The following FBXL7 variants were observed in gnomAD, a reference collection of about 807,000 sequenced individuals.
FBXL7 encodes the protein F-box and leucine rich repeat protein 7, also known as F-box/LRR-repeat protein 7.
FBXL7 carries 12 observed loss-of-function variants against 38.3 expected under a neutral mutation model. The observed-to-expected ratio is 0.31, with a 90% CI of 0.20 to 0.51. The LOEUF (loss-of-function observed/expected upper bound fraction) is 0.51, where lower values mean the gene tolerates loss of function less well. FBXL7 is among the 20% of genes least tolerant of loss of function. FBXL7 has a pLI of 0.98. For missense variants in FBXL7, 567 were observed against 676.4 expected (o/e 0.84, Z 1.79); for synonymous variants, 297 against 300.9 (o/e 0.99, Z 0.13).
At chr5:15,560,464 A>C (rs1452033731) in intron 1 of FBXL7, among the ~76,000 whole-genome samples, 1 of 152,186 alleles carries the variant, frequency 6.6e-6, no homozygotes, top group East Asian at 1.9e-4. Flanking sequence ...CAAATTGACC[A>C]GCCTCCTGGG....
chr5:15,885,889 TA>T (rs950399604), intron 2 of FBXL7, among the ~76,000 whole-genome samples: 6 of 151,714 alleles, frequency 4.0e-5, no homozygotes, highest in East Asian at 1.9e-4. Context: ...TAATTTATTT[TA>T]TTTTTTTTTT....
intron 2 of FBXL7, among the ~76,000 whole-genome samples, chr5:15,745,320 T>C (rs1235817689): frequency 1.3e-5 from 2 of 152,258 alleles, no homozygotes; most frequent in Non-Finnish European, 2.9e-5. Flanking sequence ...TTTGTATTCA[T>C]GAACATGCTT....
chr5:15,639,204 G>T (rs1580426678), intron 2 of FBXL7, among the ~76,000 whole-genome samples: 1 of 152,294 alleles, frequency 6.6e-6, no homozygotes, highest in East Asian at 1.9e-4. Flanking sequence ...ATATGTTCAA[G>T]ACTGAGCTGG....
At chr5:15,788,818 T>C (rs1326039553) in intron 2 of FBXL7, among the ~76,000 whole-genome samples, 1 of 151,706 alleles carries the variant, frequency 6.6e-6, no homozygotes, top group Non-Finnish European at 1.5e-5. Context: ...TAGCTGGGAC[T>C]ACAGGCATGC....
chr5:15,725,721 C>A (rs980006677), intron 2 of FBXL7, among the ~76,000 whole-genome samples: 6 of 152,070 alleles, frequency 3.9e-5, no homozygotes, highest in African/African-American at 1.4e-4. Context: ...ACTGCAACCT[C>A]CATCTCCCAT....
intron 1 of FBXL7, among the ~76,000 whole-genome samples, chr5:15,533,436 G>T (rs1737484084): frequency 6.6e-6 from 1 of 152,162 alleles, no homozygotes; most frequent in African/African-American, 2.4e-5. Flanking sequence ...GAGCCAAGGG[G>T]ATTTGTGAAT....
chr5:15,705,116 C>T (rs35195537), intron 2 of FBXL7, among the ~76,000 whole-genome samples: 22,177 of 152,168 alleles, frequency 0.15, 2,100 homozygotes, highest in Middle Eastern at 0.24. Flanking sequence ...AGGAGCAATG[C>T]AGTGAATTTT....
intron 2 of FBXL7, among the ~76,000 whole-genome samples, chr5:15,659,155 A>G (rs1332054176): frequency 6.6e-6 from 1 of 152,172 alleles, no homozygotes; most frequent in Non-Finnish European, 1.5e-5. Flanking sequence ...ACACTGAGTT[A>G]CCCTTATAAA....
intron 2 of FBXL7, among the ~76,000 whole-genome samples, chr5:15,741,319 A>G (rs1025352948): frequency 2.0e-5 from 3 of 152,230 alleles, no homozygotes; most frequent in Non-Finnish European, 4.4e-5. Flanking sequence ...TTTACCTTAT[A>G]TGAAACATGA....
At chr5:15,753,016 C>G (rs1437116396) in intron 2 of FBXL7, among the ~76,000 whole-genome samples, 1 of 152,070 alleles carries the variant, frequency 6.6e-6, no homozygotes, top group Non-Finnish European at 1.5e-5. Context: ...TGTGATAAGA[C>G]CTTGAACATT....
At chr5:15,534,754 G>C (rs1373351329) in intron 1 of FBXL7, among the ~76,000 whole-genome samples, 1 of 152,330 alleles carries the variant, frequency 6.6e-6, no homozygotes, top group African/African-American at 2.4e-5. Context: ...CCAAGTGGCT[G>C]TACCATTTTG....
intron 2 of FBXL7, among the ~76,000 whole-genome samples, chr5:15,759,666 T>TCTCTG (rs1268973483): frequency 2.6e-5 from 4 of 152,236 alleles, no homozygotes; most frequent in African/African-American, 9.6e-5. Context: ...CTCTGATAGG[T>TCTCTG]ATAGATGACA....
At chr5:15,682,239 C>T (rs180921603) in intron 2 of FBXL7, among the ~76,000 whole-genome samples, 2 of 152,260 alleles carry the variant, frequency 1.3e-5, no homozygotes, top group East Asian at 1.9e-4. Flanking sequence ...GAGATACTGT[C>T]GAGGTTCCTT....
chr5:15,905,026 T>G (rs2126416866), intron 2 of FBXL7, among the ~76,000 whole-genome samples: 1 of 152,352 alleles, frequency 6.6e-6, no homozygotes, highest in South Asian at 2.1e-4. Context: ...TTGTGGCCTG[T>G]GCTTCTCTGC....
Position 15,575,086 on chromosome 5 carries a change from G to GA in FBXL7, c.38-40897_38-40896insA, listed in dbSNP as rs1406638264. On this transcript the variant is annotated intron_variant, in intron 1 of 3. Transcript: ENST00000504595. The stretch of plus-strand genomic sequence containing the variant: ...CTGGCATCTAGTGAGTAGAAGTCAG[G>GA]GATGATGTTAAACATCCTAAAATAC... Among the ~76,000 whole-genome samples, 8 of 152,144 alleles carry GA rather than the reference G, an allele frequency of 5.3e-5. No individual in the cohort carries two copies. The East Asian group carries it at 1.5e-3, about 29-fold the overall frequency.
intron 2 of FBXL7, among the ~76,000 whole-genome samples, chr5:15,635,237 CT>C (rs532777924): frequency 3.2e-4 from 48 of 152,148 alleles, no homozygotes; most frequent in Non-Finnish European, 5.9e-4. Context: ...CTGATGCACC[CT>C]GCCTGGGAGG....
At chr5:15,505,266 A>G (rs532324463) in intron 1 of FBXL7, among the ~76,000 whole-genome samples, 2 of 152,168 alleles carry the variant, frequency 1.3e-5, no homozygotes, top group Non-Finnish European at 2.9e-5. Flanking sequence ...TGGGGTAGTT[A>G]CTTGTAGATT....
chr5:15,792,796 C>A (rs976973924), intron 2 of FBXL7, among the ~76,000 whole-genome samples: 1 of 152,148 alleles, frequency 6.6e-6, no homozygotes, highest in Non-Finnish European at 1.5e-5. Context: ...AGGGATGAGG[C>A]CCCCTCTCCT....
chr5:15,629,051 G>A lies in FBXL7; in HGVS notation c.127+12979G>A, dbSNP rs1133843. Among the ~76,000 whole-genome samples, 994 of 152,122 alleles carry A rather than the reference G, an allele frequency of 6.5e-3. 16 individuals are homozygous for A. Among genetic ancestry groups the A allele is most frequent in the African/African-American group, 0.023 (940 of 41,498 alleles). ...TGTGCACTTTGGGAGGCTGAGGTGG[G>A]AGGGTTGCTTGAGGCTAGGAGTTCA... On this transcript the variant is annotated intron_variant, in intron 2 of 3. Coordinates refer to ENST00000504595, the MANE Select transcript of FBXL7 (RefSeq NM_012304.5).
Sources: gnomAD v4.1 joint callset for allele counts (sites outside exome capture counted in the v4.1 genomes callset) on GRCh38, gnomAD v4.1.1 for gene constraint, MANE v1.5 for transcripts, NCBI Gene and HGNC (gene_info 2026-07-23, HGNC 2026-07-21) for gene names.